The following ETV6 variants were observed in gnomAD, a reference collection of about 807,000 sequenced individuals.
ETV6 encodes transcription factor ETV6.
ETV6 carries 16 observed loss-of-function variants against 51.1 expected under a neutral mutation model. The ratio of observed to expected loss-of-function variants is 0.31; its 90% CI spans 0.21 to 0.48. The LOEUF is 0.48. Among genes scored for constraint, ETV6 ranks in the 20% least tolerant of loss-of-function variants. The probability of loss-of-function intolerance (pLI) is 0.99; values close to 1 mark genes in which losing one functional copy is unlikely to be tolerated. For missense variants in ETV6, 458 were observed against 594.8 expected, an observed-to-expected ratio of 0.77 and a Z score of 2.39; for synonymous variants, 240 against 224.1, an observed-to-expected ratio of 1.07 and a Z score of -0.64.
chr12:11,763,304 CTCTTGCTGACCTTAAAATTTGGCCGTGAT>C (rs1289121938), intron 2 of ETV6, among the ~76,000 whole-genome samples: 1 of 152,156 alleles, frequency 6.6e-6, no homozygotes, highest in Non-Finnish European at 1.5e-5. Context: ...TTCGTGGGGG[CTCTTGCTGACCTTAAAATTTGGCCGTGAT>C]TCAAATATTC....
intron 1 of ETV6, among the ~76,000 whole-genome samples, chr12:11,675,277 A>T (rs1033549682): frequency 2.0e-5 from 3 of 152,190 alleles, no homozygotes; most frequent in Admixed American, 2.0e-4. Context: ...TGCCATTTGT[A>T]CTTCTGCTAC....
At position 11,704,526 on chromosome 12, in the gene ETV6, T is replaced by C. The variant is rs376192268; in HGVS notation, c.34-47924T>C. ...CACAACCGGCTAATTTTTGTATTTTTAGTAGAGATGGGATTTCACCATGTT... is the reference window on the plus strand; with the variant it reads ...CACAACCGGCTAATTTTTGTATTTTCAGTAGAGATGGGATTTCACCATGTT... On this transcript the variant is annotated intron_variant, in intron 1 of 7. Transcript: ENST00000396373. Among the ~76,000 whole-genome samples, 3 of 152,120 alleles carry C rather than the reference T, an allele frequency of 2.0e-5. No homozygotes were observed. The South Asian group carries it at 6.2e-4, about 32-fold the overall frequency.
chr12:11,892,746 C>T lies in ETV6; in HGVS notation c.*1700C>T, dbSNP rs1397586012. On this transcript the variant is annotated 3_prime_UTR_variant, in exon 8 of 8. Coordinates refer to ENST00000396373, the MANE Select transcript of ETV6 (RefSeq NM_001987.5). ...GTTACCAGACCCCTGGGCTTCTCCC[C>T]AGCTTTTTCTGAGTTGAGTCAGACA... The T allele has an allele frequency of 8.6e-6, 2 of 232,968 alleles. No homozygotes were observed. The highest frequency in any genetic ancestry group is 1.7e-5 in the Non-Finnish European group (2 of 117,968). 14.4% of individuals were successfully genotyped at this position (232,968 alleles called of 1,614,324 possible).
chr12:11,666,220 G>C (rs1864191250), intron 1 of ETV6, among the ~76,000 whole-genome samples: 1 of 152,178 alleles, frequency 6.6e-6, no homozygotes, highest in Admixed American at 6.5e-5. Context: ...TGAGGTCTGT[G>C]ATTGGCCTTT....
chr12:11,823,301 T>C (rs950545471), intron 2 of ETV6, among the ~76,000 whole-genome samples: 4 of 152,176 alleles, frequency 2.6e-5, no homozygotes, highest in African/African-American at 9.7e-5. Context: ...CGATCTAGGA[T>C]TGCTAAGATG....
At chr12:11,680,073 T>C (rs1170544586) in intron 1 of ETV6, among the ~76,000 whole-genome samples, 3 of 152,202 alleles carry the variant, frequency 2.0e-5, no homozygotes, top group Non-Finnish European at 4.4e-5. Flanking sequence ...GATAGTTCTC[T>C]GGCTATAAGG....
At chr12:11,671,526 C>T (rs188273870) in intron 1 of ETV6, among the ~76,000 whole-genome samples, 21 of 152,044 alleles carry the variant, frequency 1.4e-4, no homozygotes, top group East Asian at 7.7e-4. Flanking sequence ...ATATTTAAGG[C>T]GATGGATATA....
At chr12:11,711,218 T>A (rs965083861) in intron 1 of ETV6, among the ~76,000 whole-genome samples, 10 of 152,310 alleles carry the variant, frequency 6.6e-5, no homozygotes, top group Non-Finnish European at 1.3e-4. Flanking sequence ...CGTTTTCTTT[T>A]CCCAGCCATA....
intron 2 of ETV6, among the ~76,000 whole-genome samples, chr12:11,812,694 A>C (rs1945932072): frequency 6.6e-6 from 1 of 152,186 alleles, no homozygotes; most frequent in Non-Finnish European, 1.5e-5. Flanking sequence ...TTTCTCTGCT[A>C]AGTACACATT....
Position 11,891,054 on chromosome 12 carries a change from A to C in ETV6, c.*8A>C, listed in dbSNP as rs1451944197. On this transcript the variant is annotated 3_prime_UTR_variant, in exon 8 of 8. Coordinates refer to ENST00000396373, the MANE Select transcript of ETV6 (RefSeq NM_001987.5). ...CAAGAAGATGAATGCTGAAGGAACC[A>C]ACAGTCCACCTCAGCGGGCCAGCAG... 1.2e-6 allele frequency: 2 copies of C among 1,605,044 alleles called. No individual in the cohort carries two copies. Among genetic ancestry groups the C allele is most frequent in the Non-Finnish European group, 1.7e-6 (2 of 1,172,032 alleles).
chr12:11,833,823 G>C (rs1168923785), intron 2 of ETV6, among the ~76,000 whole-genome samples: 6 of 152,204 alleles, frequency 3.9e-5, no homozygotes, highest in African/African-American at 1.4e-4. Context: ...GGGGTGTTAA[G>C]AGTTGACACT....
intron 2 of ETV6, among the ~76,000 whole-genome samples, chr12:11,821,756 CT>C (rs1946084436): frequency 1.3e-5 from 2 of 152,274 alleles, no homozygotes; most frequent in East Asian, 3.9e-4. Flanking sequence ...AAGGGGATCA[CT>C]TGAAGCCAGG....
At chr12:11,886,095 G>C in intron 7 of ETV6, 69 bp downstream of exon 7, 1 of 1,141,318 alleles carries the variant, frequency 8.8e-7, no homozygotes, top group South Asian at 1.3e-5. Flanking sequence ...CGGGGAGTGG[G>C]GGGAGACTGT....
intron 5 of ETV6, among the ~76,000 whole-genome samples, chr12:11,881,534 G>A (rs1383173865): frequency 6.6e-6 from 1 of 152,192 alleles, no homozygotes; most frequent in East Asian, 1.9e-4. Context: ...CTGGTTCATA[G>A]ACAGCACCTT....
At chr12:11,767,054 A>G (rs779334033) in intron 2 of ETV6, among the ~76,000 whole-genome samples, 2 of 152,228 alleles carry the variant, frequency 1.3e-5, no homozygotes, top group Non-Finnish European at 2.9e-5. Context: ...TAGGAGAAAG[A>G]AGGATGGCGG....
chr12:11,667,736 T>C (rs1404057407), intron 1 of ETV6, among the ~76,000 whole-genome samples: 1 of 119,718 alleles, frequency 8.4e-6, no homozygotes, highest in Non-Finnish European at 1.6e-5. Flanking sequence ...GGAGTCTCAC[T>C]CGGCCGCCCA....
chr12:11,879,278 A>C (rs1242784514), intron 5 of ETV6, among the ~76,000 whole-genome samples: 1 of 152,202 alleles, frequency 6.6e-6, no homozygotes, highest in East Asian at 1.9e-4. Context: ...AAGAACATAA[A>C]ATGACTTTCT....
chr12:11,865,530 C>T (rs1946779765), intron 4 of ETV6, among the ~76,000 whole-genome samples: 1 of 149,918 alleles, frequency 6.7e-6, no homozygotes, highest in South Asian at 2.1e-4. Flanking sequence ...TGAGCAGTCC[C>T]TCTCTTCAGG....
At chr12:11,681,904 C>CT (rs1267998060) in intron 1 of ETV6, among the ~76,000 whole-genome samples, 4 of 152,090 alleles carry the variant, frequency 2.6e-5, no homozygotes, top group African/African-American at 7.2e-5. Context: ...TGAGCTCATC[C>CT]TTTTTTATGG....
Sources: gnomAD v4.1 joint callset for allele counts (sites outside exome capture counted in the v4.1 genomes callset) on GRCh38, gnomAD v4.1.1 for gene constraint, MANE v1.5 for transcripts, NCBI Gene and HGNC (gene_info 2026-07-23, HGNC 2026-07-21) for gene names.